The following CCSER1 variants were observed in gnomAD, a reference collection of about 807,000 sequenced individuals.
CCSER1 encodes coiled-coil serine rich protein 1.
In CCSER1, 41 loss-of-function variants were observed where a neutral mutation model predicts 82.0. The ratio of observed to expected loss-of-function variants is 0.50; its 90% confidence interval spans 0.39 to 0.65. The LOEUF (loss-of-function observed/expected upper bound fraction) is 0.65, where lower values mean the gene tolerates loss of function less well. CCSER1 is among the 30% of genes least tolerant of loss of function. The probability of loss-of-function intolerance (pLI) is 0.00; values close to 1 mark genes in which losing one functional copy is unlikely to be tolerated. For missense variants in CCSER1, 1,119 were observed against 1,064.2 expected, an observed-to-expected ratio of 1.05 and a Z score of -0.72; for synonymous variants, 414 against 383.9, an observed-to-expected ratio of 1.08 and a Z score of -0.92.
At chr4:90,363,274 T>C (rs1745697490) in intron 3 of CCSER1, among the ~76,000 whole-genome samples, 1 of 152,184 alleles carries the variant, frequency 6.6e-6, no homozygotes. Flanking sequence ...CATTTGATTT[T>C]GTTGCCTTCT....
intron 9 of CCSER1, among the ~76,000 whole-genome samples, chr4:90,984,669 G>C (rs1214102338): frequency 6.6e-6 from 1 of 151,658 alleles, no homozygotes; most frequent in Non-Finnish European, 1.5e-5. Context: ...CACTAAGAGG[G>C]GGAAAAATTG....
intron 10 of CCSER1, among the ~76,000 whole-genome samples, chr4:91,438,836 A>T (rs1288085986): frequency 6.6e-6 from 1 of 152,238 alleles, no homozygotes; most frequent in African/African-American, 2.4e-5. Context: ...TGAAGAATGC[A>T]GAAGGCTCAG....
chr4:90,728,324 C>A (rs1580178920), intron 7 of CCSER1, among the ~76,000 whole-genome samples: 1 of 152,154 alleles, frequency 6.6e-6, no homozygotes, highest in Non-Finnish European at 1.5e-5. Context: ...CCAAGCTTCT[C>A]TCAGAGATGT....
At chr4:90,218,310 C>T (rs1003005384) in intron 1 of CCSER1, among the ~76,000 whole-genome samples, 2 of 152,072 alleles carry the variant, frequency 1.3e-5, no homozygotes. Context: ...TTTTGGTGTG[C>T]TGTTGGATTC....
At chr4:91,307,669 C>T (rs1745166893) in intron 10 of CCSER1, among the ~76,000 whole-genome samples, 1 of 151,864 alleles carries the variant, frequency 6.6e-6, no homozygotes, top group East Asian at 1.9e-4. Flanking sequence ...AAGACCTTTT[C>T]CTTGAGAGAA....
chr4:90,903,717 A>G (rs1200261520), intron 8 of CCSER1, among the ~76,000 whole-genome samples: 2 of 151,978 alleles, frequency 1.3e-5, no homozygotes, highest in Non-Finnish European at 2.9e-5. Context: ...AGGTGCCTGT[A>G]ATCCCAGCTA....
intron 3 of CCSER1, among the ~76,000 whole-genome samples, chr4:90,374,497 G>C (rs1398825370): frequency 6.6e-6 from 1 of 152,188 alleles, no homozygotes; most frequent in Non-Finnish European, 1.5e-5. Context: ...AATCTTGTGA[G>C]TGAGGCCCTT....
intron 7 of CCSER1, among the ~76,000 whole-genome samples, chr4:90,780,075 T>C (rs1050190406): frequency 2.0e-5 from 3 of 152,242 alleles, no homozygotes; most frequent in African/African-American, 7.2e-5. Context: ...TTTCAGCCAC[T>C]TATAAGTAGG....
intron 10 of CCSER1, among the ~76,000 whole-genome samples, chr4:91,186,222 A>G (rs1734522928): frequency 6.6e-6 from 1 of 151,870 alleles, no homozygotes; most frequent in African/African-American, 2.4e-5. Flanking sequence ...GTAGGGATGA[A>G]CCTCTCCTTC....
At chr4:90,725,035 A>T (rs888048227) in intron 7 of CCSER1, 6 of 439,156 alleles carry the variant, frequency 1.4e-5, no homozygotes, top group African/African-American at 1.2e-4. Flanking sequence ...GGCCCTTTCT[A>T]TACCTGCTAA....
At chr4:90,593,145 A>G (rs769883036) in intron 5 of CCSER1, among the ~76,000 whole-genome samples, 11 of 152,144 alleles carry the variant, frequency 7.2e-5, no homozygotes, top group Non-Finnish European at 1.5e-4. Flanking sequence ...CTTTGGATTT[A>G]TTCATTTTTT....
intron 3 of CCSER1, among the ~76,000 whole-genome samples, chr4:90,319,737 A>C (rs1213596111): frequency 6.6e-6 from 1 of 152,216 alleles, no homozygotes; most frequent in East Asian, 1.9e-4. Flanking sequence ...AGTATGTAAA[A>C]ATGTTAATGG....
At chr4:91,187,622 G>T (rs1052646256) in intron 10 of CCSER1, among the ~76,000 whole-genome samples, 1 of 151,906 alleles carries the variant, frequency 6.6e-6, no homozygotes, top group Non-Finnish European at 1.5e-5. Context: ...TGCGATCTCG[G>T]CTCACTGCAA....
At chr4:91,148,824 T>G (rs1292980695) in intron 10 of CCSER1, among the ~76,000 whole-genome samples, 1 of 152,210 alleles carries the variant, frequency 6.6e-6, no homozygotes. Flanking sequence ...TCATCCTTTT[T>G]TATGGCTGCA....
intron 1 of CCSER1, among the ~76,000 whole-genome samples, chr4:90,187,806 G>C (rs915712252): frequency 5.9e-5 from 9 of 151,874 alleles, no homozygotes; most frequent in African/African-American, 2.2e-4. Flanking sequence ...AAAAGGCTTT[G>C]TATCTGTAAT....
intron 10 of CCSER1, among the ~76,000 whole-genome samples, chr4:91,476,042 G>A (rs544174621): frequency 5.2e-4 from 79 of 151,766 alleles, no homozygotes; most frequent in South Asian, 5.0e-3. Context: ...CTCATACATC[G>A]ATGGACATTT....
At chr4:91,556,133 C>T (rs563143047) in intron 10 of CCSER1, among the ~76,000 whole-genome samples, 1 of 151,222 alleles carries the variant, frequency 6.6e-6, no homozygotes, top group South Asian at 2.1e-4. Context: ...GTTATTTTAA[C>T]GTAATATTTT....
At chr4:90,582,396 C>T (rs1389103649) in intron 5 of CCSER1, among the ~76,000 whole-genome samples, 2 of 152,082 alleles carry the variant, frequency 1.3e-5, no homozygotes, top group African/African-American at 4.8e-5. Flanking sequence ...TAGTTAGGAA[C>T]TCTTTAAATT....
chr4:91,400,851 T>G (rs1752271731), intron 10 of CCSER1, among the ~76,000 whole-genome samples: 1 of 151,860 alleles, frequency 6.6e-6, no homozygotes, highest in Non-Finnish European at 1.5e-5. Flanking sequence ...CCTGAATTGG[T>G]CTTTTGGCTT....
Sources: gnomAD v4.1 joint callset for allele counts (sites outside exome capture counted in the v4.1 genomes callset) on GRCh38, gnomAD v4.1.1 for gene constraint, MANE v1.5 for transcripts, NCBI Gene and HGNC (gene_info 2026-07-23, HGNC 2026-07-21) for gene names.